Variants in MTF2 observed in about 807,000 individuals in gnomAD.
MTF2 encodes the protein metal response element binding transcription factor 2, also known as metal-response element-binding transcription factor 2.
A neutral mutation model predicts 79.5 loss-of-function variants in MTF2; 11 were observed. The ratio of observed to expected loss-of-function variants is 0.14; its 90% confidence interval spans 0.09 to 0.23. The LOEUF is 0.23. Among genes scored for constraint, MTF2 ranks in the 10% least tolerant of loss-of-function variants. The pLI is 1.00. For synonymous variants in MTF2, 208 were observed against 232.8 expected (o/e 0.89, Z 0.97); for missense variants, 486 against 711.2 (o/e 0.68, Z 3.60).
At chr1:93,088,389 C>A (rs1040504249) in intron 1 of MTF2, among the ~76,000 whole-genome samples, 1 of 151,986 alleles carries the variant, frequency 6.6e-6, no homozygotes, top group Admixed American at 6.6e-5. Context: ...ATAATATAAT[C>A]AAGGATTCCT....
chr1:93,130,953 A>G (rs562075295), intron 11 of MTF2, among the ~76,000 whole-genome samples: 2,808 of 152,056 alleles, frequency 0.018, 82 homozygotes, highest in African/African-American at 0.064. Flanking sequence ...ACAAACACAC[A>G]CACACACACA....
intron 1 of MTF2, among the ~76,000 whole-genome samples, chr1:93,095,790 G>C (rs1050296737): frequency 1.1e-4 from 16 of 151,676 alleles, no homozygotes; most frequent in African/African-American, 3.6e-4. Flanking sequence ...TGAATAGCTG[G>C]GACTACAGGT....
chr1:93,083,914 AT>A (rs1194252276), intron 1 of MTF2, among the ~76,000 whole-genome samples: 1 of 152,226 alleles, frequency 6.6e-6, no homozygotes, highest in Non-Finnish European at 1.5e-5. Flanking sequence ...CATTTAAAAA[AT>A]GGGACTGTCT....
Position 93,110,569 on chromosome 1 carries a change from T to A in MTF2, c.229T>A (p.Phe77Ile), listed in dbSNP as rs1307477787. The change falls in exon 3 of 15, where the codon TTC becomes ATC. Residue 77 changes from phenylalanine (F) to isoleucine (I), a missense_variant. By Grantham distance (21) the Phe-to-Ile change is conservative. Transcript: ENST00000370298. ...KKINILKQSCFIIFEDSSKSW... is the reference protein window; with the variant it reads ...KKINILKQSCIIIFEDSSKSW... ...GATAAACATATTGAAACAGAGCTGCTTCATCATATTTGAAGACAGTTCTAA... is the reference window on the plus strand; with the variant it reads ...GATAAACATATTGAAACAGAGCTGCATCATCATATTTGAAGACAGTTCTAA... 1 of 1,613,768 alleles carries A rather than the reference T, an allele frequency of 6.2e-7. No homozygotes were observed. Among genetic ancestry groups the A allele is most frequent in the Admixed American group, 1.7e-5 (1 of 60,024 alleles).
rs1365016184 is a variant in MTF2 at position 93,079,415 on chromosome 1, A to C, written c.-112A>C. On this transcript the variant is annotated 5_prime_UTR_variant, in exon 1 of 15. Coordinates refer to ENST00000370298, the MANE Select transcript of MTF2 (RefSeq NM_007358.4). ...GTTTGTGCGTGCATATGTGCCGGGT[A>C]CCCGGTGGGGCGGGTGCCCAGTAAG... 2.9e-6 allele frequency: 4 copies of C among 1,367,944 alleles called. No individual in the cohort carries two copies. Among genetic ancestry groups the C allele is most frequent in the African/African-American group, 2.8e-5 (2 of 70,296 alleles). The allele number at this position is 1,367,944 out of a possible 1,614,324, so 84.7% of individuals were successfully genotyped here.
intron 9 of MTF2, among the ~76,000 whole-genome samples, chr1:93,125,709 A>AG (rs1037679378): frequency 6.6e-6 from 1 of 151,940 alleles, no homozygotes; most frequent in East Asian, 1.9e-4. Context: ...TGGGGTGGGG[A>AG]GGGGGGACCA....
intron 7 of MTF2, among the ~76,000 whole-genome samples, chr1:93,118,755 C>T (rs1166533859): frequency 6.6e-6 from 1 of 152,072 alleles, no homozygotes; most frequent in Non-Finnish European, 1.5e-5. Context: ...GACCACAGGG[C>T]CTTGTTAAAG....
chr1:93,106,183 A>AT (rs1385295687), intron 1 of MTF2, among the ~76,000 whole-genome samples: 1 of 152,178 alleles, frequency 6.6e-6, no homozygotes, highest in African/African-American at 2.4e-5. Context: ...ACACTAGGAG[A>AT]TGGAAAAATA....
At chr1:93,084,938 T>A (rs1387050291) in intron 1 of MTF2, among the ~76,000 whole-genome samples, 1 of 152,174 alleles carries the variant, frequency 6.6e-6, no homozygotes, top group Non-Finnish European at 1.5e-5. Flanking sequence ...ACCATTTTCC[T>A]TGATAAGATA....
chr1:93,090,796 T>C (rs1571217564), intron 1 of MTF2, among the ~76,000 whole-genome samples: 1 of 151,732 alleles, frequency 6.6e-6, no homozygotes, highest in South Asian at 2.1e-4. Flanking sequence ...CCCAAGTAGC[T>C]GGGACTATAG....
intron 11 of MTF2, among the ~76,000 whole-genome samples, chr1:93,129,925 C>CTGTTTTA (rs1656851657): frequency 6.6e-6 from 1 of 152,150 alleles, no homozygotes; most frequent in Admixed American, 6.5e-5. Flanking sequence ...GGATAGCATA[C>CTGTTTTA]TGTTTTAGAC....
At chr1:93,109,565 C>T (rs1054146695) in intron 1 of MTF2, among the ~76,000 whole-genome samples, 4 of 152,170 alleles carry the variant, frequency 2.6e-5, no homozygotes, top group African/African-American at 9.7e-5. Context: ...GAACTCCTGG[C>T]CTCAGGTGAT....
At chr1:93,096,030 G>C (rs988120732) in intron 1 of MTF2, among the ~76,000 whole-genome samples, 2 of 152,116 alleles carry the variant, frequency 1.3e-5, no homozygotes, top group African/African-American at 4.8e-5. Flanking sequence ...GTCTTTTGAG[G>C]TTCTGTAGAG....
Position 93,133,723 on chromosome 1 carries a change from A to G in MTF2, c.1181A>G (p.Glu394Gly). The G allele has an allele frequency of 1.2e-6, 2 of 1,605,046 alleles. No homozygotes were observed. Among genetic ancestry groups the G allele is most frequent in the South Asian group, 1.1e-5 (1 of 90,052 alleles). ...TTCAGGGAAGTAAGCAATGGCATAG[A>G]AAAAAAAGGAAAGAAAAAATCTGTA... ...SDSREVSNGIEKKGKKKSVGR... is the reference protein window; with the variant it reads ...SDSREVSNGIGKKGKKKSVGR... The change falls in exon 12 of 15, where the codon GAA (glutamate) becomes GGA (glycine). Residue 394 changes from glutamate (E) to glycine (G), a missense_variant. Coordinates refer to ENST00000370298, the MANE Select transcript of MTF2 (RefSeq NM_007358.4).
At chr1:93,100,159 T>TA (rs969078213) in intron 1 of MTF2, among the ~76,000 whole-genome samples, 11 of 152,082 alleles carry the variant, frequency 7.2e-5, no homozygotes, top group African/African-American at 1.9e-4. Context: ...TTGAAAGAGT[T>TA]AAAAAAAACC....
intron 7 of MTF2, 29 bp downstream of exon 7, chr1:93,118,469 T>C: frequency 6.9e-7 from 1 of 1,457,512 alleles, no homozygotes. Flanking sequence ...CTTTACTGGC[T>C]GATTTTTGTC....
intron 3 of MTF2, among the ~76,000 whole-genome samples, chr1:93,111,194 A>T (rs970587396): frequency 3.3e-5 from 5 of 152,114 alleles, no homozygotes; most frequent in Non-Finnish European, 7.4e-5. Context: ...AGAAACCATG[A>T]TTGTTTCATG....
Position 93,110,880 on chromosome 1 carries a change from C to G in MTF2, c.286+254C>G, listed in dbSNP as rs1571235468. On this transcript the variant is annotated intron_variant, in intron 3 of 14. Transcript: ENST00000370298. ...CCTTCTAAGAACTTTGAAGAAAAAT[C>G]TTTAGTAACTAATCTCAGTAACGGT... 2.0e-5 allele frequency among the ~76,000 whole-genome samples: 3 copies of G among 152,164 alleles called. 1 individual carries two copies. The East Asian group carries it at 5.8e-4, about 29-fold the overall frequency.
Position 93,120,557 on chromosome 1 carries a change from T to C in MTF2, c.806T>C (p.Ile269Thr). The change falls in exon 9 of 15, where the codon ATA becomes ACA. Residue 269 changes from isoleucine to threonine, a missense_variant. Coordinates refer to ENST00000370298, the MANE Select transcript of MTF2 (RefSeq NM_007358.4). ...LKRLPLQWVD[I>T]AHLCLYNLSV... The stretch of plus-strand genomic sequence containing the variant: ...TTATTTTCGGATTCCAGGGTAGATA[T>C]AGCACACCTATGCCTTTACAACCTA... 2 of 1,596,132 alleles carry C rather than the reference T, an allele frequency of 1.3e-6. No individual in the cohort carries two copies. Among genetic ancestry groups the C allele is most frequent in the African/African-American group, 1.4e-5 (1 of 73,860 alleles).
Sources: gnomAD v4.1 joint callset for allele counts (sites outside exome capture counted in the v4.1 genomes callset) on GRCh38, gnomAD v4.1.1 for gene constraint, MANE v1.5 for transcripts, NCBI Gene and HGNC (gene_info 2026-07-23, HGNC 2026-07-21) for gene names.